Variants in CMTM4 observed in about 807,000 individuals in gnomAD.
CMTM4 encodes the protein CKLF-like MARVEL transmembrane domain-containing protein 4.
CMTM4 carries 8 observed loss-of-function variants against 19.0 expected under a neutral mutation model. The observed-to-expected ratio is 0.42, with a 90% CI of 0.25 to 0.76. The LOEUF is 0.76. CMTM4 is among the 30% of genes least tolerant of loss of function. The pLI, the probability that CMTM4 is intolerant of heterozygous loss-of-function variation, is 0.27. For missense variants in CMTM4, 228 were observed against 290.2 expected, an observed-to-expected ratio of 0.79 and a Z score of 1.56; for synonymous variants, 106 against 121.1, an observed-to-expected ratio of 0.88 and a Z score of 0.82.
intron 1 of CMTM4, among the ~76,000 whole-genome samples, chr16:66,641,327 G>A (rs2016094366): frequency 6.6e-6 from 1 of 152,124 alleles, no homozygotes; most frequent in African/African-American, 2.4e-5. Context: ...AGCCACTGTG[G>A]CCCGCCTAAG....
downstream of CMTM4, chr16:66,609,806 G>A: frequency 6.2e-7 from 1 of 1,613,918 alleles, no homozygotes; most frequent in Non-Finnish European, 8.5e-7. The surrounding 1 kb of genome is among the most constrained non-coding windows in gnomAD (Gnocchi z 4.4). Flanking sequence ...GATCTGAAAT[G>A]GGCCGTGAGG....
At chr16:66,609,631 G>A in the CMTM4 span, 1 of 1,513,516 alleles carries the variant, frequency 6.6e-7, no homozygotes, top group Non-Finnish European at 8.9e-7. The surrounding 1 kb of genome is among the most constrained non-coding windows in gnomAD (Gnocchi z 4.4). Flanking sequence ...GGGCCCCCCT[G>A]GGGTCTCATG....
intron 2 of CMTM4, among the ~76,000 whole-genome samples, chr16:66,627,910 T>G (rs1465639612): frequency 1.3e-5 from 2 of 152,210 alleles, no homozygotes; most frequent in Non-Finnish European, 2.9e-5. Flanking sequence ...TTTTTATTGA[T>G]TATTATTTTC....
At chr16:66,683,174 TACATATGTATATATATATAC>T (rs536237284) in intron 1 of CMTM4, among the ~76,000 whole-genome samples, 1 of 83,654 alleles carries the variant, frequency 1.2e-5, no homozygotes, top group Non-Finnish European at 2.5e-5. Context: ...TATATATATA[TACATATGTATATATATATAC>T]ATATATATAT....
chr16:66,684,586 G>C (rs1183142831), intron 1 of CMTM4, among the ~76,000 whole-genome samples: 1 of 151,958 alleles, frequency 6.6e-6, no homozygotes, highest in Admixed American at 6.6e-5. Flanking sequence ...CCACACACGA[G>C]AGGCACTGCA....
chr16:66,640,811 TG>T (rs2016086115), intron 1 of CMTM4, among the ~76,000 whole-genome samples: 1 of 152,132 alleles, frequency 6.6e-6, no homozygotes, highest in Admixed American at 6.5e-5. Context: ...CCAGCTGCCA[TG>T]TCTTGAGGGT....
intron 2 of CMTM4, among the ~76,000 whole-genome samples, chr16:66,631,401 T>C (rs1174588653): frequency 4.6e-5 from 7 of 151,594 alleles, no homozygotes; most frequent in Admixed American, 3.3e-4. Context: ...GGAGCCCCTC[T>C]GCCCGGCCAC....
intron 2 of CMTM4, among the ~76,000 whole-genome samples, chr16:66,630,303 C>T (rs1372161802): frequency 2.8e-5 from 3 of 108,472 alleles, no homozygotes; most frequent in Non-Finnish European, 3.9e-5. Context: ...TCTCCCCCTC[C>T]CCCTCACCCT....
intron 1 of CMTM4, among the ~76,000 whole-genome samples, chr16:66,667,201 T>G (rs1226284900): frequency 6.6e-6 from 1 of 152,066 alleles, no homozygotes; most frequent in African/African-American, 2.4e-5. Flanking sequence ...GACACATGCC[T>G]GTAATCCCAG....
At chr16:66,628,439 G>A (rs747049482) in intron 2 of CMTM4, among the ~76,000 whole-genome samples, 10 of 152,178 alleles carry the variant, frequency 6.6e-5, no homozygotes, top group African/African-American at 9.7e-5. Flanking sequence ...TTAGCAGTGC[G>A]TTGTGCCCCT....
chr16:66,620,997 C>T lies in CMTM4; in HGVS notation c.*1061G>A, dbSNP rs2015622580. The T allele has an allele frequency of 1.0e-6, 1 of 985,838 alleles. No individual in the cohort carries two copies. The allele number at this position is 985,838 out of a possible 1,614,324, so 61.1% of individuals were successfully genotyped here. ...AGTTATGACACTGAGGCGCCCAAAGCGACAATTAGTGCCTTCTGAAACATG... is the reference window on the plus strand; with the variant it reads ...AGTTATGACACTGAGGCGCCCAAAGTGACAATTAGTGCCTTCTGAAACATG... On this transcript the variant is annotated 3_prime_UTR_variant, in exon 4 of 4. Coordinates refer to ENST00000394106, the MANE Select transcript of CMTM4 (RefSeq NM_181521.3).
In CMTM4 at chr16:66,647,716, T is replaced by A. The variant is rs562103505; in HGVS notation, c.187-11135A>T. Among the ~76,000 whole-genome samples, 76 of 151,204 alleles carry A rather than the reference T, an allele frequency of 5.0e-4. No individual in the cohort carries two copies. The East Asian group carries it at 5.2e-3, about 10-fold the overall frequency. On this transcript the variant is annotated intron_variant, in intron 1 of 3. Transcript: ENST00000394106. The stretch of plus-strand genomic sequence containing the variant: ...TTCAAACTATTGTTCTTTCTTTTTT[T>A]AAAAAAAAATGAGTCTCACTATGTT...
chr16:66,630,724 A>G (rs1314010428), intron 2 of CMTM4, among the ~76,000 whole-genome samples: 1 of 152,102 alleles, frequency 6.6e-6, no homozygotes, highest in African/African-American at 2.4e-5. Context: ...TTGGCCTCCC[A>G]AAGTGCTGAG....
At chr16:66,660,035 G>C (rs748660562) in intron 1 of CMTM4, among the ~76,000 whole-genome samples, 29 of 152,148 alleles carry the variant, frequency 1.9e-4, no homozygotes, top group Non-Finnish European at 4.0e-4. Flanking sequence ...AAGATATATA[G>C]ATGGCAAACA....
chr16:66,617,661 T>C lies in CMTM4; in HGVS notation c.*4397A>G, dbSNP rs1031515709. On this transcript the variant is annotated 3_prime_UTR_variant, in exon 4 of 4. Transcript: ENST00000394106. ...CAGACAGTTCTTGTGACTTGAATGATATCTGCTGAGAAGAGAAGAAACACA... is the reference window on the plus strand; with the variant it reads ...CAGACAGTTCTTGTGACTTGAATGACATCTGCTGAGAAGAGAAGAAACACA... 2 of 1,117,808 alleles carry C rather than the reference T, an allele frequency of 1.8e-6. No homozygotes were observed. Among genetic ancestry groups the C allele is most frequent in the Non-Finnish European group, 2.2e-6 (2 of 909,886 alleles). The allele number at this position is 1,117,808 out of a possible 1,614,324, so 69.2% of individuals were successfully genotyped here.
At chr16:66,631,971 G>A (rs1292575187) in intron 2 of CMTM4, among the ~76,000 whole-genome samples, 1 of 152,072 alleles carries the variant, frequency 6.6e-6, no homozygotes, top group East Asian at 1.9e-4. Context: ...AACACAAGAC[G>A]AGTCACGCCC....
At chr16:66,680,773 C>CA (rs35127974) in intron 1 of CMTM4, among the ~76,000 whole-genome samples, 9,745 of 32,050 alleles carry the variant, frequency 0.3, 2,131 homozygotes, top group Non-Finnish European at 0.37. Context: ...GACTCCGTCT[C>CA]AAAAAAAAAA....
chr16:66,626,172 T>C (rs165208), intron 2 of CMTM4, among the ~76,000 whole-genome samples: 14,411 of 152,260 alleles, frequency 0.095, 949 homozygotes, highest in East Asian at 0.27. Context: ...CAGCAGCTCA[T>C]GCCTATAATC....
At chr16:66,670,102 G>A (rs908611861) in intron 1 of CMTM4, among the ~76,000 whole-genome samples, 2 of 152,108 alleles carry the variant, frequency 1.3e-5, no homozygotes, top group African/African-American at 2.4e-5. Context: ...ACCAGAGAGA[G>A]GCTAAAGCAT....
Sources: allele counts gnomAD v4.1 joint callset (sites outside exome capture counted in the v4.1 genomes callset), GRCh38; gene constraint gnomAD v4.1.1; non-coding constraint Gnocchi (gnomAD v3.1); transcripts MANE v1.5; gene names NCBI Gene and HGNC (gene_info 2026-07-23, HGNC 2026-07-21).